Variants in FGF12 observed in about 807,000 individuals in gnomAD.
FGF12 encodes fibroblast growth factor 12B.
FGF12 carries 14 observed loss-of-function variants against 23.6 expected under a neutral mutation model. That is an observed-to-expected ratio of 0.59 (90% CI 0.39 to 0.93). The LOEUF (loss-of-function observed/expected upper bound fraction) is 0.93. Among genes scored for constraint, FGF12 ranks in the 40% least tolerant of loss-of-function variants. The pLI is 0.00. For missense variants in FGF12, 175 were observed against 217.8 expected (o/e 0.80, Z 1.24); for synonymous variants, 62 against 77.3 (o/e 0.80, Z 1.04).
At chr3:192,239,923 G>C (rs1331398568) in intron 4 of FGF12, among the ~76,000 whole-genome samples, 1 of 151,702 alleles carries the variant, frequency 6.6e-6, no homozygotes, top group African/African-American at 2.4e-5. Flanking sequence ...TGAGGTCTTA[G>C]TGAAACAGGG....
At chr3:192,327,426 T>C (rs965686468) in intron 4 of FGF12, among the ~76,000 whole-genome samples, 5 of 151,588 alleles carry the variant, frequency 3.3e-5, no homozygotes, top group African/African-American at 1.2e-4. Context: ...CAAAAAACTG[T>C]GTTCGCACAA....
intron 2 of FGF12, among the ~76,000 whole-genome samples, chr3:192,577,384 T>C (rs528239618): frequency 2.6e-5 from 4 of 152,314 alleles, no homozygotes; most frequent in African/African-American, 9.6e-5. Flanking sequence ...CTGAGAGTCA[T>C]TGTGCTTATC....
At chr3:192,688,438 T>C (rs1717836008) in intron 2 of FGF12, among the ~76,000 whole-genome samples, 1 of 152,196 alleles carries the variant, frequency 6.6e-6, no homozygotes, top group Non-Finnish European at 1.5e-5. Flanking sequence ...ACGCATCAAA[T>C]GCTACATTTG....
chr3:192,160,956 T>A (rs536016220), intron 5 of FGF12, among the ~76,000 whole-genome samples: 1 of 152,234 alleles, frequency 6.6e-6, no homozygotes, highest in African/African-American at 2.4e-5. Context: ...ACAATATTTA[T>A]CAAGCTCCTT....
intron 4 of FGF12, chr3:192,268,760 C>T (rs529999174): frequency 4.8e-6 from 2 of 421,002 alleles, no homozygotes; most frequent in South Asian, 1.7e-5. Flanking sequence ...GTGAGCCGAT[C>T]AAAACTATTG....
intron 4 of FGF12, among the ~76,000 whole-genome samples, chr3:192,258,172 A>T: frequency 6.6e-6 from 1 of 152,136 alleles, no homozygotes; most frequent in East Asian, 1.9e-4. Context: ...AATTTAAAAG[A>T]TAGGGCTGGG....
chr3:192,158,310 TTTTCTCTTTCTTTCTTTC>T (rs1193923270), intron 5 of FGF12, among the ~76,000 whole-genome samples: 2 of 133,170 alleles, frequency 1.5e-5, no homozygotes, highest in South Asian at 2.6e-4. Flanking sequence ...TGCTTTTCCC[TTTTCTCTTTCTTTCTTTC>T]TTTCTCTTTC....
chr3:192,262,378 T>A (rs1428618368), intron 4 of FGF12, among the ~76,000 whole-genome samples: 2 of 152,168 alleles, frequency 1.3e-5, no homozygotes, highest in African/African-American at 4.8e-5. Context: ...CTCTAAAATG[T>A]ATTCTATATG....
At chr3:192,350,474 G>A (rs1371664000) in intron 3 of FGF12, among the ~76,000 whole-genome samples, 1 of 152,160 alleles carries the variant, frequency 6.6e-6, no homozygotes, top group Non-Finnish European at 1.5e-5. Flanking sequence ...GTAGGCAAAG[G>A]AGACTGAAAT....
At chr3:192,199,408 G>GAT (rs2108659473) in intron 4 of FGF12, among the ~76,000 whole-genome samples, 1 of 152,268 alleles carries the variant, frequency 6.6e-6, no homozygotes, top group African/African-American at 2.4e-5. Flanking sequence ...GATGTCCTCC[G>GAT]TATTTGAGAT....
intron 2 of FGF12, among the ~76,000 whole-genome samples, chr3:192,466,518 T>G (rs922905604): frequency 1.3e-5 from 2 of 152,274 alleles, no homozygotes; most frequent in African/African-American, 4.8e-5. Context: ...GGGTCCCTCC[T>G]CAGCAGAAGA....
chr3:192,499,695 C>A (rs11917822), intron 2 of FGF12, among the ~76,000 whole-genome samples: 1 of 150,620 alleles, frequency 6.6e-6, no homozygotes, highest in Admixed American at 6.6e-5. Flanking sequence ...CCTCACACGG[C>A]TAATTGTTTG....
intron 2 of FGF12, among the ~76,000 whole-genome samples, chr3:192,383,170 A>G (rs950874068): frequency 3.9e-5 from 6 of 152,184 alleles, no homozygotes; most frequent in African/African-American, 1.4e-4. Context: ...AAACTAACAT[A>G]TACACCCCAG....
chr3:192,475,548 A>G (rs752903088), intron 2 of FGF12, among the ~76,000 whole-genome samples: 24 of 152,236 alleles, frequency 1.6e-4, no homozygotes, highest in Non-Finnish European at 2.5e-4. Context: ...AAATACAAGG[A>G]AAGCACAAAT....
Position 192,158,375 on chromosome 3 carries a change from TTTCTTTC to T in FGF12, c.427+12076_427+12082del, listed in dbSNP as rs1277128753. 3.4e-5 allele frequency among the ~76,000 whole-genome samples: 4 copies of T among 117,338 alleles called. No homozygotes were observed. In the South Asian group the frequency reaches 8.1e-4, roughly 24 times the overall value. 77.0% of individuals were successfully genotyped at this position (117,338 alleles called of 152,430 possible). On this transcript the variant is annotated intron_variant, in intron 5 of 5. Transcript: ENST00000445105. The stretch of plus-strand genomic sequence containing the variant: ...CTTTCTTTCTTTCTTTCTTTCTTTC[TTTCTTTC>T]TTTTCTTTCTCTCTCTTTCTTTTTC...
intron 2 of FGF12, among the ~76,000 whole-genome samples, chr3:192,367,294 T>G (rs1346754616): frequency 6.6e-6 from 1 of 152,210 alleles, no homozygotes; most frequent in Non-Finnish European, 1.5e-5. Flanking sequence ...GACGGGTTCT[T>G]TTAATCAGCC....
intron 2 of FGF12, among the ~76,000 whole-genome samples, chr3:192,579,666 T>C (rs901775327): frequency 5.3e-5 from 8 of 152,138 alleles, no homozygotes; most frequent in African/African-American, 1.9e-4. Context: ...GCCTCTGGGA[T>C]TCAAGTGATT....
intron 4 of FGF12, among the ~76,000 whole-genome samples, chr3:192,314,259 T>C (rs11917618): frequency 2.0e-5 from 3 of 151,654 alleles, no homozygotes. Context: ...CATGGTAAAG[T>C]ATATTGCTTA....
At chr3:192,678,761 G>T (rs573903716) in intron 2 of FGF12, among the ~76,000 whole-genome samples, 1 of 152,160 alleles carries the variant, frequency 6.6e-6, no homozygotes, top group African/African-American at 2.4e-5. Flanking sequence ...TGGCGGTAAA[G>T]AATCCAGGGC....
Sources: gnomAD v4.1 joint callset for allele counts (sites outside exome capture counted in the v4.1 genomes callset) on GRCh38, gnomAD v4.1.1 for gene constraint, MANE v1.5 for transcripts, NCBI Gene and HGNC (gene_info 2026-07-23, HGNC 2026-07-21) for gene names.